SLC3A1: variants seen among roughly 807,000 people sequenced by gnomAD.
SLC3A1 encodes the protein solute carrier family 3 member 1, also known as amino acid transporter heavy chain SLC3A1.
SLC3A1 carries 78 observed loss-of-function variants against 60.3 expected under a neutral mutation model. That is an observed-to-expected ratio of 1.29 (90% CI 1.08 to 1.56). SLC3A1 has a LOEUF of 1.56. Ranked by LOEUF, SLC3A1 falls within the 40% of genes most tolerant of loss-of-function variation. The pLI, the probability that SLC3A1 is intolerant of heterozygous loss-of-function variation, is 0.00. For synonymous variants in SLC3A1, 392 were observed against 307.9 expected (o/e 1.27, Z -2.86); for missense variants, 1,172 against 858.9 (o/e 1.36, Z -4.56).
Position 44,276,082 on chromosome 2 carries a change from G to T in SLC3A1, c.430+117G>T, listed in dbSNP as rs900463003. On this transcript the variant is annotated intron_variant, in intron 1 of 9. Transcript: ENST00000260649. ...TCAGTAAGCACATTCCATTATGACT[G>T]GTCATGCCAAGTTGCTCCTTGTTTA... The T allele has an allele frequency of 7.8e-6, 7 of 892,946 alleles. No individual in the cohort carries two copies. In the African/African-American group the frequency reaches 8.2e-5, roughly 10 times the overall value. The allele number at this position is 892,946 out of a possible 1,614,324, so 55.3% of individuals were successfully genotyped here.
At position 44,301,106 on chromosome 2, in the gene SLC3A1, G is replaced by T. The variant is rs765522070; in HGVS notation, c.1115G>T (p.Ser372Ile). Residue 372 changes from serine to isoleucine, a missense_variant, in exon 6 of 10, where the codon AGC (serine) becomes ATC (isoleucine). Coordinates refer to ENST00000260649, the MANE Select transcript of SLC3A1 (RefSeq NM_000341.4). ...RSFRQTMDQYSTEPGRYRFMG... is the reference protein window; with the variant it reads ...RSFRQTMDQYITEPGRYRFMG... Reference sequence around the variant, plus strand: ...TTCCGGCAGACCATGGACCAATACAGCACGGAGCCCGGCAGATACAGGTTG... The same window carrying T: ...TTCCGGCAGACCATGGACCAATACATCACGGAGCCCGGCAGATACAGGTTG... 1.2e-6 allele frequency: 2 copies of T among 1,612,772 alleles called. No homozygotes were observed. Among genetic ancestry groups the T allele is most frequent in the Non-Finnish European group, 1.7e-6 (2 of 1,179,842 alleles).
At chr2:44,307,564 A>ATT (rs34665826) in intron 7 of SLC3A1, among the ~76,000 whole-genome samples, 26 of 129,644 alleles carry the variant, frequency 2.0e-4, no homozygotes, top group Non-Finnish European at 3.1e-4. Flanking sequence ...ATCTCATTGC[A>ATT]TTTTTTTTTT....
downstream of SLC3A1, chr2:44,321,848 T>C (rs771937635): frequency 8.1e-6 from 13 of 1,613,656 alleles, no homozygotes; most frequent in African/African-American, 1.7e-4. Flanking sequence ...AATCCTCAAT[T>C]ACATGATTGC....
chr2:44,297,987 C>T (rs944433881), intron 4 of SLC3A1, among the ~76,000 whole-genome samples: 2 of 152,130 alleles, frequency 1.3e-5, no homozygotes, highest in African/African-American at 4.8e-5. Flanking sequence ...ATGGATAGAC[C>T]ATTGGGTTGT....
At chr2:44,313,802 C>T (rs1443709002) in intron 8 of SLC3A1, 33 bp from the exon 9 acceptor site, 1 of 1,505,498 alleles carries the variant, frequency 6.6e-7, no homozygotes. Flanking sequence ...AATAACCAAA[C>T]CACTGTTTTC....
chr2:44,287,150 T>C (rs1230087410), intron 4 of SLC3A1, among the ~76,000 whole-genome samples: 1 of 152,108 alleles, frequency 6.6e-6, no homozygotes, highest in Non-Finnish European at 1.5e-5. Context: ...TCAAGGAGTC[T>C]CCAATATACT....
chr2:44,285,912 T>C, intron 3 of SLC3A1, 120 bp from the exon 4 acceptor site: 1 of 1,326,366 alleles, frequency 7.5e-7, no homozygotes, highest in African/African-American at 1.4e-5. Flanking sequence ...CTGCTCTCTG[T>C]AGAAGGAAAA....
chr2:44,286,746 G>A (rs1185241541), intron 4 of SLC3A1, among the ~76,000 whole-genome samples: 2 of 149,010 alleles, frequency 1.3e-5, no homozygotes, highest in Non-Finnish European at 3.0e-5. Flanking sequence ...GCCTGTGACT[G>A]AGCTGTGCGG....
intron 1 of SLC3A1, among the ~76,000 whole-genome samples, chr2:44,277,350 G>A (rs1671372225): frequency 6.6e-6 from 1 of 151,688 alleles, no homozygotes; most frequent in Non-Finnish European, 1.5e-5. Context: ...CAGGTGATTT[G>A]CCCCCCCTTG....
chr2:44,291,157 A>T (rs1481299431), intron 4 of SLC3A1, among the ~76,000 whole-genome samples: 1 of 152,142 alleles, frequency 6.6e-6, no homozygotes, highest in Admixed American at 6.6e-5. Context: ...GAGGCAATGT[A>T]TGTGTTTCCC....
intron 3 of SLC3A1, among the ~76,000 whole-genome samples, chr2:44,282,103 C>G (rs993966409): frequency 6.6e-6 from 1 of 152,128 alleles, no homozygotes; most frequent in East Asian, 1.9e-4. Context: ...AACTCCTGAC[C>G]TCAGGTGATC....
At chr2:44,308,575 ATAT>A (rs1243956664) in intron 7 of SLC3A1, among the ~76,000 whole-genome samples, 1 of 152,068 alleles carries the variant, frequency 6.6e-6, no homozygotes, top group Non-Finnish European at 1.5e-5. Flanking sequence ...TGTTCTTTTG[ATAT>A]TATTGTAAAC....
At chr2:44,314,398 C>G in intron 9 of SLC3A1, 1 of 269,344 alleles carries the variant, frequency 3.7e-6, no homozygotes, top group Non-Finnish European at 7.1e-6. Flanking sequence ...AGAAGCCATA[C>G]ATGATCCTTA....
intron 4 of SLC3A1, among the ~76,000 whole-genome samples, chr2:44,292,070 G>A (rs1235124074): frequency 4.6e-5 from 7 of 152,182 alleles, no homozygotes; most frequent in Admixed American, 3.3e-4. Flanking sequence ...TTTGACAAAT[G>A]AGGAAACTGA....
chr2:44,285,504 G>A (rs911314493), intron 3 of SLC3A1: 7 of 362,922 alleles, frequency 1.9e-5, no homozygotes, highest in Admixed American at 3.7e-5. Context: ...CAGCGACATC[G>A]TCAACTATTG....
intron 1 of SLC3A1, 63 bp from the exon 2 acceptor site, chr2:44,280,653 T>C (rs1671473851): frequency 2.6e-6 from 3 of 1,137,220 alleles, no homozygotes; most frequent in East Asian, 2.4e-5. Context: ...ATATTTGTTA[T>C]ATTTTTTGTC....
chr2:44,298,196 T>A (rs1253385015), intron 4 of SLC3A1, among the ~76,000 whole-genome samples: 1 of 150,874 alleles, frequency 6.6e-6, no homozygotes, highest in African/African-American at 2.4e-5. Flanking sequence ...TTAAAAAAAA[T>A]GTTAAGTCAG....
At chr2:44,298,950 GA>G (rs1671927362) in intron 4 of SLC3A1, among the ~76,000 whole-genome samples, 2 of 151,394 alleles carry the variant, frequency 1.3e-5, no homozygotes, top group South Asian at 4.2e-4. Flanking sequence ...AAATGTATGA[GA>G]ACCTGGATTT....
intron 5 of SLC3A1, 114 bp downstream of exon 5, chr2:44,300,204 C>T: frequency 2.9e-6 from 3 of 1,035,132 alleles, no homozygotes; most frequent in Non-Finnish European, 4.4e-6. Context: ...CTGTGTCTAG[C>T]AAGTACCCTG....
Sources: gnomAD v4.1 joint callset for allele counts (sites outside exome capture counted in the v4.1 genomes callset) on GRCh38, gnomAD v4.1.1 for gene constraint, MANE v1.5 for transcripts, NCBI Gene and HGNC (gene_info 2026-07-23, HGNC 2026-07-21) for gene names.